The following KCNQ3 variants were observed in gnomAD, a reference collection of about 807,000 sequenced individuals.
KCNQ3 encodes the protein potassium voltage-gated channel subfamily Q member 3, also known as potassium voltage-gated channel subfamily KQT member 3.
Under a neutral mutation model 92.5 loss-of-function variants are expected in KCNQ3, and 30 were observed. The ratio of observed to expected loss-of-function variants is 0.32; its 90% confidence interval spans 0.24 to 0.44. The LOEUF (loss-of-function observed/expected upper bound fraction) is 0.44, where lower values mean the gene tolerates loss of function less well. Among genes scored for constraint, KCNQ3 ranks in the 20% least tolerant of loss-of-function variants. The pLI is 1.00. For synonymous variants in KCNQ3, 450 were observed against 468.8 expected (o/e 0.96, Z 0.52); for missense variants, 913 against 1,140.3 (o/e 0.80, Z 2.87).
At chr8:132,440,515 G>T (rs1821509378) in intron 1 of KCNQ3, among the ~76,000 whole-genome samples, 1 of 152,192 alleles carries the variant, frequency 6.6e-6, no homozygotes, top group Non-Finnish European at 1.5e-5. Flanking sequence ...GCCCTGAAGA[G>T]TGAACACATG....
At chr8:132,436,760 G>A (rs1821404612) in intron 1 of KCNQ3, among the ~76,000 whole-genome samples, 1 of 152,040 alleles carries the variant, frequency 6.6e-6, no homozygotes, top group South Asian at 2.1e-4. Context: ...TTTTTAAATT[G>A]TGCCAGGAGG....
At chr8:132,478,538 C>CT (rs373923393) in intron 1 of KCNQ3, among the ~76,000 whole-genome samples, 2 of 151,988 alleles carry the variant, frequency 1.3e-5, no homozygotes, top group Admixed American at 6.6e-5. Flanking sequence ...TATTTTAATG[C>CT]TTTTTTTTCG....
At chr8:132,385,161 A>G (rs1311567783) in intron 1 of KCNQ3, among the ~76,000 whole-genome samples, 1 of 152,248 alleles carries the variant, frequency 6.6e-6, no homozygotes, top group South Asian at 2.1e-4. Context: ...CCTTGCCCCA[A>G]CTTGAAACAA....
intron 1 of KCNQ3, among the ~76,000 whole-genome samples, chr8:132,434,216 A>G (rs1243824927): frequency 1.9e-5 from 2 of 105,920 alleles, no homozygotes; most frequent in Non-Finnish European, 4.6e-5. Flanking sequence ...TCAAAAAAAA[A>G]AAAAAAAAAA....
chr8:132,301,233 G>C (rs982160929), intron 1 of KCNQ3, among the ~76,000 whole-genome samples: 1 of 152,082 alleles, frequency 6.6e-6, no homozygotes, highest in Non-Finnish European at 1.5e-5. Context: ...CACACTTCCA[G>C]ATTCTTCACA....
intron 1 of KCNQ3, among the ~76,000 whole-genome samples, chr8:132,397,117 C>G (rs1303952162): frequency 1.3e-5 from 2 of 152,072 alleles, no homozygotes; most frequent in Non-Finnish European, 2.9e-5. Flanking sequence ...CACATCAAAT[C>G]CAGTTGGTCT....
At chr8:132,315,063 A>C (rs1000367659) in intron 1 of KCNQ3, among the ~76,000 whole-genome samples, 3 of 152,238 alleles carry the variant, frequency 2.0e-5, no homozygotes, top group Non-Finnish European at 2.9e-5. Context: ...CAACCGCTGA[A>C]TAATTTTAAG....
intron 1 of KCNQ3, among the ~76,000 whole-genome samples, chr8:132,390,546 T>G (rs982828878): frequency 1.3e-4 from 20 of 152,254 alleles, no homozygotes; most frequent in South Asian, 4.1e-4. Context: ...GAGCAGGGTG[T>G]GGTATGGGTG....
At chr8:132,302,141 A>G (rs147539206) in intron 1 of KCNQ3, among the ~76,000 whole-genome samples, 2 of 152,328 alleles carry the variant, frequency 1.3e-5, no homozygotes, top group Non-Finnish European at 2.9e-5. Context: ...AGGATGGGCT[A>G]GTCCACAAGT....
At chr8:132,217,710 C>CAAAAAA (rs1170925572) in intron 1 of KCNQ3, among the ~76,000 whole-genome samples, 16 of 66,334 alleles carry the variant, frequency 2.4e-4, no homozygotes, top group South Asian at 5.7e-4. Flanking sequence ...GGCTCTGTCT[C>CAAAAAA]AAAAAAAAAA....
At chr8:132,168,951 T>C (rs1359198564) in intron 8 of KCNQ3, among the ~76,000 whole-genome samples, 2 of 152,012 alleles carry the variant, frequency 1.3e-5, no homozygotes, top group Non-Finnish European at 2.9e-5. Context: ...AGTCAAGGGT[T>C]CTAGGAGTCC....
At chr8:132,193,527 C>T (rs367968783) in intron 1 of KCNQ3, among the ~76,000 whole-genome samples, 1 of 152,276 alleles carries the variant, frequency 6.6e-6, no homozygotes, top group East Asian at 1.9e-4. Flanking sequence ...CCAGGAAAAC[C>T]CTGCCGCCTC....
intron 1 of KCNQ3, among the ~76,000 whole-genome samples, chr8:132,479,224 G>A (rs762591017): frequency 1.3e-5 from 2 of 152,092 alleles, no homozygotes; most frequent in Non-Finnish European, 2.9e-5. Flanking sequence ...AGTGGCAGGT[G>A]CAGAGGGAGT....
intron 13 of KCNQ3, among the ~76,000 whole-genome samples, chr8:132,132,630 TTTACTC>T (rs1427371824): frequency 6.6e-6 from 1 of 151,508 alleles, no homozygotes; most frequent in Non-Finnish European, 1.5e-5. Context: ...ATCTGAGACT[TTTACTC>T]TGAGTGTGTG....
At chr8:132,253,471 G>A (rs530393851) in intron 1 of KCNQ3, among the ~76,000 whole-genome samples, 9 of 152,266 alleles carry the variant, frequency 5.9e-5, no homozygotes, top group South Asian at 2.1e-4. Flanking sequence ...AAACCAAGGC[G>A]CAGAGGAGAC....
At chr8:132,242,391 G>C (rs1397165097) in intron 1 of KCNQ3, among the ~76,000 whole-genome samples, 1 of 152,102 alleles carries the variant, frequency 6.6e-6, no homozygotes, top group Non-Finnish European at 1.5e-5. Context: ...TGCCTTATCT[G>C]ATCATTAAAA....
intron 1 of KCNQ3, among the ~76,000 whole-genome samples, chr8:132,379,937 T>C (rs191024978): frequency 2.1e-3 from 319 of 151,996 alleles, no homozygotes; most frequent in African/African-American, 7.1e-3. Context: ...TACCTATGAT[T>C]GTATGAAGGC....
intron 1 of KCNQ3, among the ~76,000 whole-genome samples, chr8:132,209,726 G>T (rs548144481): frequency 6.6e-6 from 1 of 152,262 alleles, no homozygotes; most frequent in South Asian, 2.1e-4. Flanking sequence ...TGTGTTAGAT[G>T]ATTTTGCCCA....
At chr8:132,401,476 A>T (rs1820331123) in intron 1 of KCNQ3, among the ~76,000 whole-genome samples, 1 of 152,086 alleles carries the variant, frequency 6.6e-6, no homozygotes, top group Non-Finnish European at 1.5e-5. Flanking sequence ...CCCTGGCTCA[A>T]GCAATTCTCC....
Sources: gnomAD v4.1 joint callset for allele counts (sites outside exome capture counted in the v4.1 genomes callset) on GRCh38, gnomAD v4.1.1 for gene constraint, MANE v1.5 for transcripts, NCBI Gene and HGNC (gene_info 2026-07-23, HGNC 2026-07-21) for gene names.